Variants in ATP11A observed in about 807,000 individuals in gnomAD.
ATP11A encodes the protein phospholipid-transporting ATPase IH.
A neutral mutation model predicts 154.4 loss-of-function variants in ATP11A; 81 were observed. The observed-to-expected ratio is 0.52, with a 90% CI of 0.44 to 0.63. ATP11A has a LOEUF of 0.63. Ranked by LOEUF, ATP11A falls within the 30% of genes least tolerant of loss-of-function variation. The pLI, the probability that ATP11A is intolerant of heterozygous loss-of-function variation, is 0.00. For synonymous variants in ATP11A, 623 were observed against 585.9 expected (o/e 1.06, Z -0.91); for missense variants, 1,316 against 1,474.3 (o/e 0.89, Z 1.76).
chr13:112,870,642 G>T (rs1005317142), intron 25 of ATP11A, among the ~76,000 whole-genome samples: 3 of 152,202 alleles, frequency 2.0e-5, no homozygotes, highest in Admixed American at 6.5e-5. Context: ...CTCCCAAAGC[G>T]CTGGGATTAC....
chr13:112,878,329 C>T, intron 29 of ATP11A, 26 bp downstream of exon 29: 1 of 1,610,298 alleles, frequency 6.2e-7, no homozygotes, highest in East Asian at 2.2e-5. Context: ...CTTCCACGCA[C>T]CTGGGATGGT....
intron 12 of ATP11A, among the ~76,000 whole-genome samples, chr13:112,829,299 A>G (rs897415718): frequency 2.0e-5 from 3 of 152,252 alleles, no homozygotes; most frequent in African/African-American, 7.2e-5. Flanking sequence ...ATTGCAGGCC[A>G]GGACCCCTGA....
intron 1 of ATP11A, among the ~76,000 whole-genome samples, chr13:112,748,335 C>G (rs141195385): frequency 6.6e-6 from 1 of 152,298 alleles, no homozygotes; most frequent in Admixed American, 6.5e-5. Flanking sequence ...TATATTTATT[C>G]TGAGAAACAA....
intron 1 of ATP11A, among the ~76,000 whole-genome samples, chr13:112,738,915 T>G (rs937229582): frequency 6.6e-6 from 1 of 152,202 alleles, no homozygotes; most frequent in Non-Finnish European, 1.5e-5. Context: ...AACAGCAGAT[T>G]CCTTGGGGTA....
rs1007258301 is a variant in ATP11A, at chr13:112,746,204, A to G, written c.40-38931A>G. ...TTTTGGATGCGCGCCCAGAGGTGGC[A>G]CTGCTGGATCCTGTGCTGGGTCATA... is the stretch of plus-strand genomic sequence containing the variant. On this transcript the variant is annotated intron_variant, in intron 1 of 29. Transcript: ENST00000375645. The surrounding 1 kb of genome is among the most constrained non-coding windows in gnomAD (Gnocchi z 4.1). The G allele has an allele frequency of 6.6e-6, 1 of 152,192 alleles. No homozygotes were observed. Among genetic ancestry groups the G allele is most frequent in the South Asian group, 2.1e-4 (1 of 4,816 alleles). The allele number at this position is 152,192 out of a possible 1,614,324, so 9.4% of individuals were successfully genotyped here. A position where few individuals can be genotyped will look rare whatever the true frequency, so the allele number is the denominator to read the frequency against.
intron 2 of ATP11A, among the ~76,000 whole-genome samples, chr13:112,792,959 T>A (rs1014878960): frequency 5.3e-5 from 8 of 152,230 alleles, no homozygotes; most frequent in African/African-American, 1.9e-4. Flanking sequence ...GGAGAAAAAA[T>A]TCCCTCTGCA....
chr13:112,797,633 G>A (rs1377275334), intron 2 of ATP11A, among the ~76,000 whole-genome samples: 3 of 152,138 alleles, frequency 2.0e-5, no homozygotes, highest in Admixed American at 2.0e-4. Context: ...TATTTAAAGT[G>A]TTGAAAGAAA....
intron 2 of ATP11A, among the ~76,000 whole-genome samples, chr13:112,797,327 G>GA (rs1328800995): frequency 1.5e-5 from 2 of 135,864 alleles, no homozygotes; most frequent in East Asian, 2.1e-4. Flanking sequence ...TATGCATAAT[G>GA]AAAAAAACAA....
chr13:112,841,854 A>G (rs1261307431), intron 16 of ATP11A, among the ~76,000 whole-genome samples: 1 of 152,234 alleles, frequency 6.6e-6, no homozygotes, highest in Non-Finnish European at 1.5e-5. Context: ...CCAAGTTCAG[A>G]GGTGGCCCGG....
chr13:112,833,729 C>T lies in ATP11A; in HGVS notation c.1559+706C>T, dbSNP rs997391380. On this transcript the variant is annotated intron_variant, in intron 14 of 29. Transcript: ENST00000375645. ...AGCACAGATACGTCAACAGTATCAC[C>T]GGGGCCCTTCGTTCCATGCGTAAAC... is the stretch of plus-strand genomic sequence containing the variant. Among the ~76,000 whole-genome samples, 7 of 152,166 alleles carry T rather than the reference C, an allele frequency of 4.6e-5. No homozygotes were observed. The East Asian group carries it at 7.7e-4, about 17-fold the overall frequency.
intron 1 of ATP11A, among the ~76,000 whole-genome samples, chr13:112,736,365 C>CA (rs1891004096): frequency 1.3e-5 from 2 of 152,308 alleles, no homozygotes; most frequent in South Asian, 2.1e-4. Flanking sequence ...GGAACACACA[C>CA]AAAAAATCAG....
At chr13:112,844,739 A>G (rs1412903675) in intron 17 of ATP11A, among the ~76,000 whole-genome samples, 1 of 106,530 alleles carries the variant, frequency 9.4e-6, no homozygotes, top group African/African-American at 5.1e-5. Context: ...AAGTACCTCT[A>G]GCGGTACTAG....
intron 1 of ATP11A, among the ~76,000 whole-genome samples, chr13:112,735,284 C>T (rs999185996): frequency 2.0e-5 from 3 of 151,950 alleles, no homozygotes; most frequent in African/African-American, 7.3e-5. Flanking sequence ...AGTTTTTTTC[C>T]GTTAAATAAA....
intron 8 of ATP11A, 29 bp from the exon 9 acceptor site, chr13:112,823,316 C>T (rs773561782): frequency 2.5e-6 from 4 of 1,603,204 alleles, no homozygotes; most frequent in East Asian, 4.5e-5. Flanking sequence ...TTCGTGTCCG[C>T]ATCATTTCTG....
In ATP11A at chr13:112,831,378, G is replaced by C. The variant is rs768828959; in HGVS notation, c.1225G>C (p.Glu409Gln). The change falls in exon 13 of 30, where the codon GAG (glutamate) becomes CAG (glutamine). Residue 409 changes from glutamate (E) to glutamine (Q), a missense_variant. By Grantham distance (29) the Glu-to-Gln change is conservative. Coordinates refer to ENST00000375645, the MANE Select transcript of ATP11A (RefSeq NM_015205.3). ...SDLNEELGQV[E>Q]YIFTDKTGTL... ...ACTTGCTGTGCCCTGCCCGCAGGTG[G>C]AGTACATCTTCACAGACAAGACCGG... 1 of 1,614,000 alleles carries C rather than the reference G, an allele frequency of 6.2e-7. No individual in the cohort carries two copies. Among genetic ancestry groups the C allele is most frequent in the Non-Finnish European group, 8.5e-7 (1 of 1,179,860 alleles).
rs2080144113 is a variant in ATP11A, at chr13:112,862,562, C to T, written c.2978C>T (p.Thr993Ile). ...TTCGTGTTTGAAAATACAACTGTGA[C>T]AAGCAACGGGCAGGTCAGTACAGAG... ...AYFVFENTTV[T>I]SNGQIFGNWT... The change falls in exon 25 of 30, where the codon ACA (threonine) becomes ATA (isoleucine). Residue 993 changes from threonine to isoleucine, a missense_variant. Around this residue, in one of 5 missense-constraint regions of ATP11A, gnomAD observed 294 missense variants for 290.2 expected, o/e 1.01. Coordinates refer to ENST00000375645, the MANE Select transcript of ATP11A (RefSeq NM_015205.3). 2.5e-6 allele frequency: 4 copies of T among 1,614,084 alleles called. No individual in the cohort carries two copies. Among genetic ancestry groups the T allele is most frequent in the East Asian group, 2.2e-5 (1 of 44,904 alleles).
At chr13:112,844,915 T>A (rs1472833674) in intron 17 of ATP11A, among the ~76,000 whole-genome samples, 1 of 151,414 alleles carries the variant, frequency 6.6e-6, no homozygotes, top group African/African-American at 2.4e-5. Context: ...GTCCAGTTAC[T>A]GGGCACTAGC....
At position 112,810,706 on chromosome 13, in the gene ATP11A, A is replaced by C. The variant is rs752686421; in HGVS notation, c.421A>C (p.Lys141Gln). 6.2e-6 allele frequency: 10 copies of C among 1,614,052 alleles called. No homozygotes were observed. The Admixed American group carries it at 8.3e-5, about 13-fold the overall frequency. ...HFIQHGKLVR[K>Q]QSRKLRVGDI... is the part of the protein sequence containing the mutation. ...CATTCAGCACGGCAAGCTCGTTCGG[A>C]AACAAAGTCGAAAGCTGCGAGTAAG... Residue 141 changes from lysine (K) to glutamine (Q), a missense_variant, in exon 5 of 30, where the codon AAA becomes CAA. Physicochemically the swap from Lys to Gln is moderately conservative, Grantham distance 53. Around this residue, in one of 5 missense-constraint regions of ATP11A, gnomAD observed 876 missense variants for 1,006.8 expected, o/e 0.87. Coordinates refer to ENST00000375645, the MANE Select transcript of ATP11A (RefSeq NM_015205.3).
At chr13:112,720,949 C>T (rs952976316) in intron 1 of ATP11A, among the ~76,000 whole-genome samples, 4 of 152,114 alleles carry the variant, frequency 2.6e-5, no homozygotes, top group Non-Finnish European at 5.9e-5. Flanking sequence ...CTCTGGGGTT[C>T]CTTTGGCCAA....
Sources: gnomAD v4.1 joint callset for allele counts (sites outside exome capture counted in the v4.1 genomes callset) on GRCh38, gnomAD v4.1.1 for gene constraint, gnomAD v4.1.1 regional missense constraint, Gnocchi (gnomAD v3.1) non-coding constraint, MANE v1.5 for transcripts, NCBI Gene and HGNC (gene_info 2026-07-23, HGNC 2026-07-21) for gene names.